The following SLC4A7 variants were observed in gnomAD, a reference collection of about 807,000 sequenced individuals.
SLC4A7 encodes the protein solute carrier family 4 member 7.
SLC4A7 carries 51 observed loss-of-function variants against 137.6 expected under a neutral mutation model. The ratio of observed to expected loss-of-function variants is 0.37; its 90% CI spans 0.30 to 0.47. SLC4A7 has a LOEUF of 0.47. SLC4A7 is among the 20% of genes least tolerant of loss of function. The pLI is 1.00. For synonymous variants in SLC4A7, 542 were observed against 518.6 expected (o/e 1.05, Z -0.61); for missense variants, 1,247 against 1,525.4 (o/e 0.82, Z 3.04).
chr3:27,456,909 T>C (rs539032975), intron 1 of SLC4A7: 33 of 984,994 alleles, frequency 3.4e-5, no homozygotes, highest in South Asian at 2.8e-4. Context: ...TGGAAAGTAA[T>C]ATACACATTT....
chr3:27,415,354 G>A (rs2054282907), intron 11 of SLC4A7, among the ~76,000 whole-genome samples: 1 of 152,180 alleles, frequency 6.6e-6, no homozygotes, highest in Non-Finnish European at 1.5e-5. Context: ...ACTGGAAGCT[G>A]GCATTTATCT....
chr3:27,421,628 G>A lies in SLC4A7; in HGVS notation c.1418C>T (p.Pro473Leu). 6.2e-7 allele frequency: 1 copy of A among 1,610,306 alleles called. No individual in the cohort carries two copies. Among genetic ancestry groups the A allele is most frequent in the Non-Finnish European group, 8.5e-7 (1 of 1,178,092 alleles). ...CTTGGAACTAACTCTTTACCTGGTT[G>A]GAACAGGGACCTCAGTCAACCCTGT... ...LLTGLTEVPV[P>L]TRFLFLLLGP... Residue 473 changes from proline to leucine, a missense_variant, in exon 9 of 26, where the codon CCA becomes CTA. Pro to Leu is a moderately conservative substitution (Grantham distance 98). Around this residue, in one of 6 missense-constraint regions of SLC4A7, gnomAD observed 499 missense variants for 664.2 expected, o/e 0.75. Transcript: ENST00000454389.
intron 14 of SLC4A7, among the ~76,000 whole-genome samples, chr3:27,404,238 G>T (rs949578986): frequency 2.6e-5 from 4 of 152,136 alleles, no homozygotes; most frequent in Non-Finnish European, 4.4e-5. Flanking sequence ...TGTGGTTGCG[G>T]CGCCAGTAAT....
intron 13 of SLC4A7, among the ~76,000 whole-genome samples, chr3:27,406,806 C>A (rs1312496560): frequency 1.3e-5 from 2 of 151,988 alleles, no homozygotes; most frequent in African/African-American, 4.8e-5. Flanking sequence ...GTGGTACACA[C>A]CTATAGTCCC....
intron 23 of SLC4A7, among the ~76,000 whole-genome samples, chr3:27,384,005 A>G (rs1268944531): frequency 6.6e-6 from 1 of 152,192 alleles, no homozygotes; most frequent in Non-Finnish European, 1.5e-5. Context: ...GCTCAAGCTC[A>G]GGTTGAGACC....
At chr3:27,384,793 T>C (rs2050770599) in intron 23 of SLC4A7, among the ~76,000 whole-genome samples, 1 of 151,878 alleles carries the variant, frequency 6.6e-6, no homozygotes. Flanking sequence ...TGGAACCCTG[T>C]CTCTACTAAA....
chr3:27,424,665 T>C (rs1418252938), intron 7 of SLC4A7, among the ~76,000 whole-genome samples: 1 of 152,230 alleles, frequency 6.6e-6, no homozygotes, highest in African/African-American at 2.4e-5. Flanking sequence ...TAAAGACTTT[T>C]CATTTTTCTT....
At chr3:27,407,417 T>C (rs987501869) in intron 13 of SLC4A7, among the ~76,000 whole-genome samples, 3 of 150,150 alleles carry the variant, frequency 2.0e-5, no homozygotes, top group Non-Finnish European at 4.4e-5. Context: ...GAAGCGGAGG[T>C]TGCAGTGAGC....
intron 19 of SLC4A7, 35 bp downstream of exon 19, chr3:27,394,919 G>A (rs982648325): frequency 6.4e-7 from 1 of 1,562,714 alleles, no homozygotes; most frequent in South Asian, 1.2e-5. Context: ...AACCCTTGAA[G>A]AATCACAATG....
intron 11 of SLC4A7, among the ~76,000 whole-genome samples, chr3:27,412,671 T>C (rs1054414759): frequency 3.9e-5 from 6 of 152,182 alleles, no homozygotes; most frequent in African/African-American, 1.4e-4. Context: ...ACAAAAATAA[T>C]TTTAAAAACT....
chr3:27,435,079 C>T (rs1388065058), intron 5 of SLC4A7, among the ~76,000 whole-genome samples: 1 of 152,146 alleles, frequency 6.6e-6, no homozygotes, highest in Non-Finnish European at 1.5e-5. Context: ...ATTTGCAGCA[C>T]ACAGTTAAAT....
chr3:27,418,660 A>AT, intron 10 of SLC4A7, 28 bp from the exon 11 acceptor site: 1 of 1,468,686 alleles, frequency 6.8e-7, no homozygotes. Context: ...TGAGTAAAAG[A>AT]TTTTAAAGTT....
chr3:27,423,290 A>T (rs2055186917), intron 8 of SLC4A7, among the ~76,000 whole-genome samples: 1 of 152,238 alleles, frequency 6.6e-6, no homozygotes, highest in Non-Finnish European at 1.5e-5. Context: ...TATACTGGAT[A>T]CAAAAATATT....
At chr3:27,481,563 C>A (rs1183912854) in intron 1 of SLC4A7, among the ~76,000 whole-genome samples, 2 of 152,132 alleles carry the variant, frequency 1.3e-5, no homozygotes, top group African/African-American at 4.8e-5. Context: ...ACTGGGTGAG[C>A]GAAGATTTAA....
intron 1 of SLC4A7, among the ~76,000 whole-genome samples, chr3:27,465,093 T>C (rs1295887568): frequency 6.6e-6 from 1 of 150,884 alleles, no homozygotes; most frequent in East Asian, 2.0e-4. Flanking sequence ...AGCTCTGGGG[T>C]TTGAGACCAG....
chr3:27,387,319 G>A (rs559353014), intron 22 of SLC4A7, among the ~76,000 whole-genome samples: 1 of 152,214 alleles, frequency 6.6e-6, no homozygotes, highest in Admixed American at 6.5e-5. Flanking sequence ...AATAGCATGT[G>A]TACAGTTTGA....
Position 27,390,825 on chromosome 3 carries a change from T to G in SLC4A7, c.3187-721A>C, listed in dbSNP as rs143423909. Among the ~76,000 whole-genome samples, 192 of 152,134 alleles carry G rather than the reference T, an allele frequency of 1.3e-3. 2 individuals are homozygous for G. In the East Asian group the frequency reaches 0.032, roughly 25 times the overall value. Reference sequence around the variant, plus strand: ...TTATGATCGTTTTTTTTGTGTGTGTTTGTTTGTTTGTTTTTTGAGACAGGG... The same window carrying G: ...TTATGATCGTTTTTTTTGTGTGTGTGTGTTTGTTTGTTTTTTGAGACAGGG... On this transcript the variant is annotated intron_variant, in intron 21 of 25. Transcript: ENST00000454389.
chr3:27,391,831 T>G (rs201792696), intron 20 of SLC4A7, 23 bp from the exon 21 acceptor site: 69 of 1,421,636 alleles, frequency 4.9e-5, no homozygotes, highest in East Asian at 4.8e-4. Context: ...TGAACACAAT[T>G]AGAACTCATG....
chr3:27,420,717 T>C lies in SLC4A7; in HGVS notation c.1495A>G (p.Thr499Ala), dbSNP rs747269874. ...CTGATTACCTCATCTGTCATGAGAGTGGCTATTGATCGTCCAATTTCATGG... is the reference window on the plus strand; with the variant it reads ...CTGATTACCTCATCTGTCATGAGAGCGGCTATTGATCGTCCAATTTCATGG... ...QYHEIGRSIA[T>A]LMTDEIFHDV... Residue 499 changes from threonine (T) to alanine (A), a missense_variant, in exon 10 of 26, where the codon ACT becomes GCT. Physicochemically the swap from Thr to Ala is moderately conservative, Grantham distance 58. Around this residue, in one of 6 missense-constraint regions of SLC4A7, gnomAD observed 499 missense variants for 664.2 expected, o/e 0.75. Coordinates refer to ENST00000454389, the MANE Select transcript of SLC4A7 (RefSeq NM_001321103.2). 6 of 1,612,002 alleles carry C rather than the reference T, an allele frequency of 3.7e-6. No homozygotes were observed. Among genetic ancestry groups the C allele is most frequent in the African/African-American group, 1.3e-5 (1 of 74,950 alleles).
Sources: gnomAD v4.1 joint callset for allele counts (sites outside exome capture counted in the v4.1 genomes callset) on GRCh38, gnomAD v4.1.1 for gene constraint, gnomAD v4.1.1 regional missense constraint, MANE v1.5 for transcripts, NCBI Gene and HGNC (gene_info 2026-07-23, HGNC 2026-07-21) for gene names.